The following NBPF14 variants were observed in gnomAD, a reference collection of about 807,000 sequenced individuals.
NBPF14 encodes NBPF family member NBPF14.
A neutral mutation model predicts 91.2 loss-of-function variants in NBPF14; 104 were observed. That is an observed-to-expected ratio of 1.14 (90% CI 0.97 to 1.34). NBPF14 has a LOEUF of 1.34. Ranked by LOEUF, NBPF14 falls within the 40% of genes most tolerant of loss-of-function variation. The pLI is 0.00. For synonymous variants in NBPF14, 294 were observed against 303.8 expected (o/e 0.97, Z 0.34); for missense variants, 908 against 783.0 (o/e 1.16, Z -1.91).
At chr1:148,534,556 T>C (rs1407628775) in intron 69 of NBPF14, 128 bp downstream of exon 69, 8 of 729,706 alleles carry the variant, frequency 1.1e-5, no homozygotes, top group African/African-American at 1.7e-5. Flanking sequence ...TTACAACCTA[T>C]ATGCGCCCAT....
At chr1:148,590,025 CT>C (rs1332033404) in intron 6 of NBPF14, among the ~76,000 whole-genome samples, 1 of 140,930 alleles carries the variant, frequency 7.1e-6, no homozygotes, top group Non-Finnish European at 1.6e-5. Context: ...GCCAGCGCCC[CT>C]GGTCAGAGAC....
chr1:148,534,584 A>G lies in NBPF14; in HGVS notation c.8614+100T>C, dbSNP rs1483338200. On this transcript the variant is annotated intron_variant, in intron 69 of 70. Coordinates refer to ENST00000619423, the Ensembl canonical transcript of NBPF14. ...GCGCCCATAGGTCCTGCCTGCGGCA[A>G]TGACATCTCTCGGGTGAGTAAGGGC... The G allele has an allele frequency of 1.8e-5, 15 of 838,618 alleles. No individual in the cohort carries two copies. The East Asian group carries it at 2.2e-4, about 12-fold the overall frequency. The allele number at this position is 838,618 out of a possible 1,614,324, so 51.9% of individuals were successfully genotyped here.
intron 69 of NBPF14, 79 bp downstream of exon 69, chr1:148,534,605 A>T (rs1310071745): frequency 7.7e-6 from 7 of 904,890 alleles, no homozygotes; most frequent in Admixed American, 3.4e-5. Flanking sequence ...CGGGTGAGTA[A>T]GGGCCACTTG....
chr1:148,533,387 T>C (rs1266095960), intron 70 of NBPF14, 139 bp from the exon 71 acceptor site: 8 of 580,874 alleles, frequency 1.4e-5, no homozygotes, highest in Non-Finnish European at 2.1e-5. Context: ...AAAAAAAATT[T>C]ATTGCCTTTA....
chr1:148,577,057 A>C (rs1484776921), intron 15 of NBPF14, 126 bp downstream of exon 15: 13 of 673,732 alleles, frequency 1.9e-5, no homozygotes, highest in Middle Eastern at 7.9e-4. Flanking sequence ...TTCAACCTAC[A>C]TGTGCCTATA....
intron 14 of NBPF14, among the ~76,000 whole-genome samples, chr1:148,577,600 C>T (rs1246767318): frequency 1.3e-5 from 2 of 149,638 alleles, no homozygotes; most frequent in Admixed American, 6.6e-5. Flanking sequence ...AGAGCGAGGT[C>T]AGTCAATTGG....
chr1:148,586,882 AAAG>A (rs1318426185), intron 8 of NBPF14, among the ~76,000 whole-genome samples: 2 of 141,822 alleles, frequency 1.4e-5, no homozygotes, highest in Non-Finnish European at 3.1e-5. Context: ...TGAAAAGATG[AAAG>A]AAGAAAAGAA....
At chr1:148,560,495 A>G in intron 36 of NBPF14, 89 bp downstream of exon 36, 2 of 260,926 alleles carry the variant, frequency 7.7e-6, no homozygotes, top group South Asian at 3.7e-5. Context: ...TTCGCTGAAA[A>G]CATGTCATCA....
Position 148,591,335 on chromosome 1 carries a change from C to A in NBPF14, c.566+97G>T, listed in dbSNP as rs1448127208. ...TTCACATACTGTGGCCAAGGGAATG[C>A]GGGCATTTGGCCCATCATAGATGCC... is the stretch of plus-strand genomic sequence containing the variant. On this transcript the variant is annotated intron_variant, in intron 5 of 70. Coordinates refer to ENST00000619423, the Ensembl canonical transcript of NBPF14. 251 of 1,236,354 alleles carry A rather than the reference C, an allele frequency of 2.0e-4. 2 individuals are homozygous for A. Among genetic ancestry groups the A allele is most frequent in the Non-Finnish European group, 2.9e-4 (244 of 854,096 alleles). 76.6% of individuals were successfully genotyped at this position (1,236,354 alleles called of 1,614,324 possible).
At chr1:148,561,831 A>G (rs1657838324) in intron 34 of NBPF14, among the ~76,000 whole-genome samples, 1 of 138,008 alleles carries the variant, frequency 7.2e-6, no homozygotes, top group Non-Finnish European at 1.5e-5. Flanking sequence ...AGAGAGAGAG[A>G]GAGAGAGAGA....
intron 69 of NBPF14, among the ~76,000 whole-genome samples, 187 bp downstream of exon 69, chr1:148,534,497 C>G (rs1432127104): frequency 2.6e-5 from 4 of 151,798 alleles, no homozygotes; most frequent in African/African-American, 9.7e-5. Context: ...GAGAGTCTTG[C>G]TCACTGACCC....
chr1:148,577,585 C>T (rs1227891571), intron 14 of NBPF14, among the ~76,000 whole-genome samples: 3 of 150,258 alleles, frequency 2.0e-5, no homozygotes, highest in Admixed American at 2.0e-4. Flanking sequence ...CACTCACACA[C>T]ACACAGAGCG....
At chr1:148,533,791 C>T (rs1424710768) in intron 70 of NBPF14, 70 bp downstream of exon 70, 2 of 765,048 alleles carry the variant, frequency 2.6e-6, no homozygotes, top group Non-Finnish European at 4.8e-6. Context: ...CAAACACACT[C>T]TGGTTTCCCT....
chr1:148,585,026 C>G lies in NBPF14; in HGVS notation c.1379+115G>C. 3.9e-6 allele frequency: 3 copies of G among 773,070 alleles called. No homozygotes were observed. The South Asian group carries it at 4.4e-5, about 11-fold the overall frequency. 47.9% of individuals were successfully genotyped at this position (773,070 alleles called of 1,614,324 possible). ...TCTAAGCTGGATTATATTTCACATA[C>G]TGTGGCCAAGCGAATGCGGGTTTTT... On this transcript the variant is annotated intron_variant, in intron 10 of 70. Coordinates refer to ENST00000619423, the Ensembl canonical transcript of NBPF14.
exon 63 of NBPF14, chr1:148,539,513 C>T (rs1288044621): frequency 1.4e-5 from 4 of 292,846 alleles, no homozygotes; most frequent in Admixed American, 5.3e-5. Flanking sequence ...CTGAAGGAGT[C>T]GAATAACATC....
chr1:148,536,761 T>A lies in NBPF14; in HGVS notation c.8216+250A>T, dbSNP rs1351019301. Among the ~76,000 whole-genome samples the A allele has an allele frequency of 2.9e-5, 3 of 104,870 alleles. No individual in the cohort carries two copies. In the East Asian group the frequency reaches 8.1e-4, roughly 28 times the overall value. The allele number at this position is 104,870 out of a possible 152,430, so 68.8% of individuals were successfully genotyped here. ...CTCAATAGTTTTCCATAAACTATGC[T>A]CAAAATTCGATGCAGTGGCCATGAG... On this transcript the variant is annotated intron_variant, in intron 66 of 70. Coordinates refer to ENST00000619423, the Ensembl canonical transcript of NBPF14.
In NBPF14 at chr1:148,587,423, C is replaced by G; in HGVS notation, c.989-20G>C. The G allele has an allele frequency of 4.5e-6, 7 of 1,564,504 alleles. 1 individual carries two copies. Among genetic ancestry groups the G allele is most frequent in the Non-Finnish European group, 6.1e-6 (7 of 1,147,430 alleles). Reference sequence around the variant, plus strand: ...CATATTCTGAGAAAAGACAGACACACCTACCTCAGTGGAAGGCTGGACATG... The same window carrying G: ...CATATTCTGAGAAAAGACAGACACAGCTACCTCAGTGGAAGGCTGGACATG... On this transcript the variant is annotated intron_variant, in intron 7 of 70. Coordinates refer to ENST00000619423, the Ensembl canonical transcript of NBPF14.
intron 37 of NBPF14, among the ~76,000 whole-genome samples, chr1:148,559,356 T>C (rs1657187085): frequency 7.7e-6 from 1 of 130,118 alleles, no homozygotes; most frequent in African/African-American, 3.8e-5. Context: ...CCAATCGATT[T>C]AAAGCAATTG....
intron 8 of NBPF14, among the ~76,000 whole-genome samples, chr1:148,587,001 T>C (rs1354915082): frequency 6.8e-6 from 1 of 146,436 alleles, no homozygotes; most frequent in Admixed American, 6.8e-5. Context: ...TGGCACACCA[T>C]TTTGAGTATA....
Sources: gnomAD v4.1 joint callset for allele counts (sites outside exome capture counted in the v4.1 genomes callset) on GRCh38, gnomAD v4.1.1 for gene constraint, MANE v1.5 for transcripts, NCBI Gene and HGNC (gene_info 2026-07-23, HGNC 2026-07-21) for gene names.